Variants in PDE4B observed in about 807,000 individuals in gnomAD.
PDE4B encodes phosphodiesterase 4B.
PDE4B carries 20 observed loss-of-function variants against 82.2 expected under a neutral mutation model. The observed-to-expected ratio is 0.24, with a 90% CI of 0.17 to 0.35. PDE4B has a LOEUF of 0.35. Ranked by LOEUF, PDE4B falls within the 10% of genes least tolerant of loss-of-function variation. The probability of loss-of-function intolerance (pLI) is 1.00; values close to 1 mark genes in which losing one functional copy is unlikely to be tolerated. For synonymous variants in PDE4B, 320 were observed against 318.9 expected (o/e 1.00, Z -0.04); for missense variants, 655 against 907.2 (o/e 0.72, Z 3.57).
At chr1:65,995,179 C>T (rs1651470273) in intron 3 of PDE4B, among the ~76,000 whole-genome samples, 1 of 152,042 alleles carries the variant, frequency 6.6e-6, no homozygotes, top group Non-Finnish European at 1.5e-5. Context: ...TTCATTTTCA[C>T]CCTTTTTTCT....
Position 65,809,357 on chromosome 1 carries a change from A to G in PDE4B, c.-71+16109A>G, listed in dbSNP as rs1048013406. Among the ~76,000 whole-genome samples, 3 of 137,028 alleles carry G rather than the reference A, an allele frequency of 2.2e-5. No homozygotes were observed. In the South Asian group the frequency reaches 7.0e-4, roughly 32 times the overall value. The allele number at this position is 137,028 out of a possible 152,430, so 89.9% of individuals were successfully genotyped here. On this transcript the variant is annotated intron_variant, in intron 1 of 16. Coordinates refer to ENST00000341517, the MANE Select transcript of PDE4B (RefSeq NM_002600.4). ...CAAAAAAAAAAAAAAAAAAAAAAAA[A>G]AAAAATTGCAAAACGAATTCAGAAG...
At chr1:66,357,752 A>T (rs1423400668) in intron 9 of PDE4B, among the ~76,000 whole-genome samples, 1 of 152,070 alleles carries the variant, frequency 6.6e-6, no homozygotes, top group Non-Finnish European at 1.5e-5. Flanking sequence ...ATATAGGAAG[A>T]AAAAAACCTG....
intron 8 of PDE4B, among the ~76,000 whole-genome samples, chr1:66,335,104 G>A (rs1322787795): frequency 6.6e-6 from 1 of 152,170 alleles, no homozygotes; most frequent in Non-Finnish European, 1.5e-5. Flanking sequence ...CCTTTACTAT[G>A]TAGTCTTATT....
At position 66,361,658 on chromosome 1, in the gene PDE4B, CAG is replaced by C; in HGVS notation, c.886_887del (p.Arg296GlyfsTer21). The C allele has an allele frequency of 1.2e-6, 2 of 1,613,348 alleles. No homozygotes were observed. Among genetic ancestry groups the C allele is most frequent in the Non-Finnish European group, 1.7e-6 (2 of 1,179,548 alleles). Reference sequence around the variant, plus strand: ...AGATCCCATCTCCTACCCAGAAAGACAGGGAGAAAAAGAAAAAGCAGCAGCTC... The same window carrying C: ...AGATCCCATCTCCTACCCAGAAAGACGGAGAAAAAGAAAAAGCAGCAGCTC... The part of the protein sequence containing the change: ...VEIPSPTQKD[R>X]EKKKKQQLMT... On this transcript the variant is annotated frameshift_variant, in exon 10 of 17. Transcript: ENST00000341517. LOFTEE classifies it high-confidence loss of function.
At chr1:66,275,348 G>A (rs1254260993) in intron 7 of PDE4B, among the ~76,000 whole-genome samples, 1 of 152,168 alleles carries the variant, frequency 6.6e-6, no homozygotes, top group Non-Finnish European at 1.5e-5. Context: ...AGTAGCGCTA[G>A]GAGCTGGTGC....
At position 66,169,499 on chromosome 1, in the gene PDE4B, C is replaced by T. The variant is rs1345117430; in HGVS notation, c.282-77961C>T. ...AGACCTATAATCTCTCCAGGGTTTT[C>T]GCCTTTGTTGTGGTCTCACATATGT... On this transcript the variant is annotated intron_variant, in intron 3 of 16. Transcript: ENST00000341517. Among the ~76,000 whole-genome samples, 4 of 152,196 alleles carry T rather than the reference C, an allele frequency of 2.6e-5. No individual in the cohort carries two copies. In the East Asian group the frequency reaches 5.8e-4, roughly 22 times the overall value.
intron 3 of PDE4B, among the ~76,000 whole-genome samples, chr1:66,010,134 G>A (rs1380411783): frequency 1.3e-5 from 2 of 152,004 alleles, no homozygotes; most frequent in Non-Finnish European, 1.5e-5. Flanking sequence ...TGAATAAATA[G>A]ACAAATGAGT....
chr1:66,142,785 G>A (rs574581501), intron 3 of PDE4B, among the ~76,000 whole-genome samples: 17 of 152,204 alleles, frequency 1.1e-4, no homozygotes, highest in African/African-American at 4.1e-4. Flanking sequence ...TTTGTTATCT[G>A]TCCACATTTG....
Position 66,164,559 on chromosome 1 carries a change from AAAAGAAAG to A in PDE4B, c.282-82889_282-82882del, listed in dbSNP as rs1187534564. Among the ~76,000 whole-genome samples, 250 of 125,038 alleles carry A rather than the reference AAAAGAAAG, an allele frequency of 2.0e-3. 2 individuals are homozygous for A. The highest frequency in any genetic ancestry group is 3.6e-3 in the Non-Finnish European group (209 of 57,488). 82.0% of individuals were successfully genotyped at this position (125,038 alleles called of 152,430 possible). A position where few individuals can be genotyped will look rare whatever the true frequency, so the allele number is the denominator to read the frequency against. ...TCAAAAAAAAAAAAAAAAAAAAAAA[AAAAGAAAG>A]AAAGAAAGAAAAAGAAAGAAAGAAA... is the stretch of plus-strand genomic sequence containing the variant. On this transcript the variant is annotated intron_variant, in intron 3 of 16. Transcript: ENST00000341517.
intron 3 of PDE4B, among the ~76,000 whole-genome samples, chr1:66,082,693 A>C (rs934217257): frequency 6.6e-6 from 1 of 151,758 alleles, no homozygotes; most frequent in African/African-American, 2.4e-5. Flanking sequence ...AGAAAGGCTC[A>C]ATAAATAAAT....
intron 1 of PDE4B, among the ~76,000 whole-genome samples, chr1:65,838,531 ATATGTATG>A (rs1172722955): frequency 2.0e-5 from 3 of 147,978 alleles, no homozygotes; most frequent in Non-Finnish European, 4.5e-5. Flanking sequence ...ATATGTATAT[ATATGTATG>A]TGTATATATG....
At chr1:66,125,294 G>C (rs1237203668) in intron 3 of PDE4B, among the ~76,000 whole-genome samples, 1 of 151,614 alleles carries the variant, frequency 6.6e-6, no homozygotes, top group African/African-American at 2.4e-5. Flanking sequence ...CTCCCGAGTA[G>C]ATGGGATTAC....
At chr1:65,973,444 A>C (rs1937439) in intron 3 of PDE4B, among the ~76,000 whole-genome samples, 36,648 of 152,090 alleles carry the variant, frequency 0.24, 5,242 homozygotes, top group East Asian at 0.45. Flanking sequence ...AGTATTTTTC[A>C]GCTTTGAATC....
chr1:66,157,796 A>G (rs747301899), intron 3 of PDE4B, among the ~76,000 whole-genome samples: 1 of 151,362 alleles, frequency 6.6e-6, no homozygotes, highest in Non-Finnish European at 1.5e-5. Flanking sequence ...CAACAAATAG[A>G]TATTGAATGA....
chr1:66,052,301 T>G (rs1490356528), intron 3 of PDE4B, among the ~76,000 whole-genome samples: 1 of 152,192 alleles, frequency 6.6e-6, no homozygotes, highest in Non-Finnish European at 1.5e-5. Context: ...CTTTAAAAAT[T>G]CACAAAGAAA....
At chr1:66,234,139 T>A (rs1652212393) in intron 3 of PDE4B, among the ~76,000 whole-genome samples, 1 of 152,222 alleles carries the variant, frequency 6.6e-6, no homozygotes, top group South Asian at 2.1e-4. Context: ...TGCAGTTTTC[T>A]TTATGGAAAT....
intron 3 of PDE4B, among the ~76,000 whole-genome samples, chr1:66,117,729 A>G (rs745665570): frequency 1.6e-4 from 25 of 152,180 alleles, no homozygotes; most frequent in Non-Finnish European, 3.4e-4. Flanking sequence ...GCTGAGTGGA[A>G]TTTATCAGCC....
chr1:66,009,766 A>T (rs80226510), intron 3 of PDE4B, among the ~76,000 whole-genome samples: 1,528 of 152,186 alleles, frequency 0.01, 20 homozygotes, highest in African/African-American at 0.035. Flanking sequence ...GCCATCTATA[A>T]AAAATAGCAG....
chr1:66,256,162 C>T (rs1654210195), intron 4 of PDE4B, among the ~76,000 whole-genome samples: 1 of 152,124 alleles, frequency 6.6e-6, no homozygotes. Context: ...GGTGACAAAG[C>T]TAGACCCTGT....
Sources: allele counts gnomAD v4.1 joint callset (sites outside exome capture counted in the v4.1 genomes callset), GRCh38; gene constraint gnomAD v4.1.1; transcripts MANE v1.5; gene names NCBI Gene and HGNC (gene_info 2026-07-23, HGNC 2026-07-21).